Variants in ELF2 observed in about 807,000 individuals in gnomAD.
ELF2 encodes ETS-related transcription factor Elf-2.
ELF2 carries 11 observed loss-of-function variants against 54.8 expected under a neutral mutation model. The observed-to-expected ratio is 0.20, with a 90% CI of 0.13 to 0.33. The LOEUF is 0.33. Ranked by LOEUF, ELF2 falls within the 10% of genes least tolerant of loss-of-function variation. The pLI, the probability that ELF2 is intolerant of heterozygous loss-of-function variation, is 1.00. For synonymous variants in ELF2, 203 were observed against 245.1 expected, an observed-to-expected ratio of 0.83 and a Z score of 1.61; for missense variants, 513 against 703.0, an observed-to-expected ratio of 0.73 and a Z score of 3.06.
intron 8 of ELF2, 99 bp from the exon 9 acceptor site, chr4:139,060,773 C>T (rs1578653194): frequency 8.4e-6 from 8 of 950,946 alleles, no homozygotes; most frequent in South Asian, 3.3e-5. Flanking sequence ...CTAACAGAAA[C>T]ATTCCCTTAT....
chr4:139,064,151 T>C (rs1014758166), intron 7 of ELF2, among the ~76,000 whole-genome samples: 2 of 151,892 alleles, frequency 1.3e-5, no homozygotes, highest in Non-Finnish European at 2.9e-5. Flanking sequence ...TCTACAAAAA[T>C]ACAAAAATTA....
At chr4:139,100,864 G>T (rs1366458865) in intron 4 of ELF2, among the ~76,000 whole-genome samples, 3 of 152,170 alleles carry the variant, frequency 2.0e-5, no homozygotes, top group African/African-American at 4.8e-5. Flanking sequence ...GATTGCTGGG[G>T]GTAGGAGGAG....
At chr4:139,061,175 T>A (rs1009091417) in intron 8 of ELF2, among the ~76,000 whole-genome samples, 1 of 147,200 alleles carries the variant, frequency 6.8e-6, no homozygotes, top group Admixed American at 7.5e-5. Context: ...ATCAAACTGA[T>A]AATTTTTTTT....
chr4:139,154,730 C>G (rs897730907), intron 1 of ELF2, among the ~76,000 whole-genome samples: 3 of 134,828 alleles, frequency 2.2e-5, no homozygotes, highest in Non-Finnish European at 5.0e-5. Context: ...CAAAAGAGTT[C>G]TAAGTCATCC....
In ELF2 at chr4:139,115,009, T is replaced by G. The variant is rs1049574192; in HGVS notation, c.238+10155A>C. 5.0e-6 allele frequency: 8 copies of G among 1,613,608 alleles called. No homozygotes were observed. The African/African-American group carries it at 8.0e-5, about 16-fold the overall frequency. ...ACCAGAAATGAAGGCCTCTGTGGGT[T>G]TGTAACAGTCAACCAGCAGCTCCTT... On this transcript the variant is annotated intron_variant, in intron 4 of 9. Coordinates refer to ENST00000686138, the MANE Select transcript of ELF2 (RefSeq NM_001331036.3).
At chr4:139,065,534 A>G (rs1728564133) in intron 7 of ELF2, among the ~76,000 whole-genome samples, 1 of 152,218 alleles carries the variant, frequency 6.6e-6, no homozygotes, top group Non-Finnish European at 1.5e-5. Context: ...GGATTCAGAA[A>G]GAGAAGCTTT....
chr4:139,151,047 A>AGGAAAGAAAG (rs1491167538), intron 1 of ELF2, among the ~76,000 whole-genome samples: 28 of 88,488 alleles, frequency 3.2e-4, no homozygotes, highest in African/African-American at 8.3e-4. Context: ...AAAGAAAGAA[A>AGGAAAGAAAG]GAAAGAAAGA....
chr4:139,114,596 C>CACACACACACACACACACA (rs1560826314), intron 4 of ELF2, among the ~76,000 whole-genome samples: 4 of 146,852 alleles, frequency 2.7e-5, no homozygotes, highest in Non-Finnish European at 4.5e-5. Context: ...CACACACACA[C>CACACACACACACACACACA]AATTTAGGAG....
chr4:139,097,838 C>A (rs568468452), intron 4 of ELF2, among the ~76,000 whole-genome samples: 1 of 152,226 alleles, frequency 6.6e-6, no homozygotes, highest in African/African-American at 2.4e-5. Context: ...GTCACCCAGG[C>A]TGGAGTACAA....
At chr4:139,159,143 C>A (rs1560880778) in intron 1 of ELF2, among the ~76,000 whole-genome samples, 1 of 152,080 alleles carries the variant, frequency 6.6e-6, no homozygotes. Context: ...TCCACCTAGA[C>A]CAAGAGGCAT....
chr4:139,065,750 G>A (rs116696648), intron 7 of ELF2, among the ~76,000 whole-genome samples: 1,931 of 152,192 alleles, frequency 0.013, 37 homozygotes, highest in African/African-American at 0.043. Flanking sequence ...TTTCTCCAGC[G>A]TTAAGCAAAA....
intron 4 of ELF2, among the ~76,000 whole-genome samples, chr4:139,114,634 T>TTTTC (rs373531530): frequency 0.019 from 1,354 of 70,308 alleles, 28 homozygotes; most frequent in Non-Finnish European, 0.028. Flanking sequence ...TGGATTTTTT[T>TTTTC]TTTCTTTCTT....
chr4:139,158,800 A>T (rs1019257053), intron 1 of ELF2, among the ~76,000 whole-genome samples: 1 of 152,196 alleles, frequency 6.6e-6, no homozygotes, highest in African/African-American at 2.4e-5. Context: ...TAGCGTAATT[A>T]CTTGCTTGGT....
At chr4:139,175,433 G>T (rs946356479) in intron 1 of ELF2, among the ~76,000 whole-genome samples, 4 of 152,124 alleles carry the variant, frequency 2.6e-5, no homozygotes, top group African/African-American at 9.7e-5. Context: ...TTAACTACTA[G>T]ATATCGTCTC....
chr4:139,166,335 C>T (rs1283128099), intron 1 of ELF2, among the ~76,000 whole-genome samples: 2 of 151,640 alleles, frequency 1.3e-5, no homozygotes, highest in African/African-American at 2.4e-5. Context: ...TGCAGTAAGC[C>T]GACATCAGGC....
chr4:139,161,693 G>A (rs982074733), intron 1 of ELF2, among the ~76,000 whole-genome samples: 9 of 147,406 alleles, frequency 6.1e-5, no homozygotes, highest in South Asian at 4.4e-4. Context: ...TGAGTAGGCC[G>A]GGCGCGGTGG....
rs747445637 is a variant in ELF2, at chr4:139,060,421, C to A, written c.1060G>T (p.Gly354Cys). ...GTGATATTCACAACTCTAGCTACAC[C>A]CTTCTCTGCTCTGGAGCAGTTTATA... ...SPINCSRAEK[G>C]VARVVNITSP... The change falls in exon 9 of 10, where the codon GGT (glycine) becomes TGT (cysteine). Residue 354 changes from glycine (G) to cysteine (C), a missense_variant. This residue lies in a region of ELF2 where 291 missense variants were observed against 366.1 expected (regional missense o/e 0.79). Coordinates refer to ENST00000686138, the MANE Select transcript of ELF2 (RefSeq NM_001331036.3). 3 of 1,614,162 alleles carry A rather than the reference C, an allele frequency of 1.9e-6. No homozygotes were observed. Among genetic ancestry groups the A allele is most frequent in the Non-Finnish European group, 2.5e-6 (3 of 1,180,032 alleles).
chr4:139,128,790 G>C (rs1263950418), intron 3 of ELF2, among the ~76,000 whole-genome samples: 1 of 151,942 alleles, frequency 6.6e-6, no homozygotes, highest in African/African-American at 2.4e-5. Context: ...CCAAAGTGCT[G>C]GCATTACAAG....
intron 4 of ELF2, among the ~76,000 whole-genome samples, chr4:139,102,530 A>G (rs1339302774): frequency 7.3e-6 from 1 of 137,016 alleles, no homozygotes; most frequent in African/African-American, 2.8e-5. Flanking sequence ...ACAGAGGGAG[A>G]CTCCGTCTCA....
Sources: allele counts gnomAD v4.1 joint callset (sites outside exome capture counted in the v4.1 genomes callset), GRCh38; gene constraint gnomAD v4.1.1; regional missense constraint gnomAD v4.1.1; transcripts MANE v1.5; gene names NCBI Gene and HGNC (gene_info 2026-07-23, HGNC 2026-07-21).